IP6K1: variants seen among roughly 807,000 people sequenced by gnomAD.
IP6K1 encodes ATP:1D-myo-inositol-hexakisphosphate phosphotransferase.
IP6K1 carries 13 observed loss-of-function variants against 38.3 expected under a neutral mutation model. The observed-to-expected ratio is 0.34, with a 90% CI of 0.22 to 0.54. The LOEUF is 0.54. Ranked by LOEUF, IP6K1 falls within the 20% of genes least tolerant of loss-of-function variation. IP6K1 has a pLI of 0.92. For synonymous variants in IP6K1, 212 were observed against 229.9 expected (o/e 0.92, Z 0.70); for missense variants, 397 against 599.8 (o/e 0.66, Z 3.53).
chr3:49,739,176 C>G (rs1230429842), intron 2 of IP6K1, among the ~76,000 whole-genome samples: 1 of 152,040 alleles, frequency 6.6e-6, no homozygotes, highest in Non-Finnish European at 1.5e-5. Flanking sequence ...GTCTCACTTC[C>G]ACATCCCACC....
chr3:49,747,962 C>G lies in IP6K1; in HGVS notation c.79G>C (p.Glu27Gln). 1.2e-6 allele frequency: 2 copies of G among 1,614,136 alleles called. No individual in the cohort carries two copies. Among genetic ancestry groups the G allele is most frequent in the Non-Finnish European group, 1.7e-6 (2 of 1,180,026 alleles). ...SRAGDRGVLL[E>Q]PFIHQVGGHS... ...CCGCCTACTTGGTGGATGAAGGGCTCCAGGAGGACTCCCCGGTCTCCAGCC... is the reference window on the plus strand; with the variant it reads ...CCGCCTACTTGGTGGATGAAGGGCTGCAGGAGGACTCCCCGGTCTCCAGCC... Residue 27 changes from glutamate to glutamine, a missense_variant, in exon 2 of 6, where the codon GAG becomes CAG. Physicochemically the swap from Glu to Gln is conservative, Grantham distance 29. This residue lies in a region of IP6K1 where 171 missense variants were observed against 237.0 expected (regional missense o/e 0.72). Coordinates refer to ENST00000321599, the MANE Select transcript of IP6K1 (RefSeq NM_153273.4).
At chr3:49,765,092 G>T (rs947943022) in intron 1 of IP6K1, among the ~76,000 whole-genome samples, 4 of 152,126 alleles carry the variant, frequency 2.6e-5, no homozygotes, top group African/African-American at 9.7e-5. Flanking sequence ...CCAAAAGGCA[G>T]TAGGATAACA....
At chr3:49,769,169 T>C (rs2080935969) in intron 1 of IP6K1, among the ~76,000 whole-genome samples, 1 of 152,174 alleles carries the variant, frequency 6.6e-6, no homozygotes, top group Non-Finnish European at 1.5e-5. Context: ...GAAGGCTCAA[T>C]ATAGTTAAGA....
At chr3:49,745,099 A>G (rs1279257565) in intron 2 of IP6K1, among the ~76,000 whole-genome samples, 1 of 152,192 alleles carries the variant, frequency 6.6e-6, no homozygotes, top group African/African-American at 2.4e-5. Flanking sequence ...AAAGACAAAA[A>G]AAAAAGTCCA....
At chr3:49,734,747 A>G (rs543640357) in intron 3 of IP6K1, among the ~76,000 whole-genome samples, 14 of 152,308 alleles carry the variant, frequency 9.2e-5, no homozygotes, top group Admixed American at 7.8e-4. Context: ...GGAAACAGAA[A>G]GGTTGACTTA....
chr3:49,767,582 AAAT>A (rs71631027), intron 1 of IP6K1, among the ~76,000 whole-genome samples: 3 of 151,312 alleles, frequency 2.0e-5, no homozygotes, highest in Admixed American at 6.6e-5. Flanking sequence ...CCATCTCAAA[AAAT>A]AATAATAATA....
chr3:49,781,355 G>C (rs893899534), intron 1 of IP6K1, among the ~76,000 whole-genome samples: 3 of 152,192 alleles, frequency 2.0e-5, no homozygotes, highest in Non-Finnish European at 4.4e-5. Context: ...GACCCACTGT[G>C]CCGGCCTAAA....
At chr3:49,737,067 T>C (rs2080619340) in intron 3 of IP6K1, among the ~76,000 whole-genome samples, 1 of 145,262 alleles carries the variant, frequency 6.9e-6, no homozygotes, top group Non-Finnish European at 1.5e-5. Flanking sequence ...CCACCAAGCC[T>C]GGCCTTTTTT....
chr3:49,738,427 T>TA lies in IP6K1; in HGVS notation c.224-6dup, dbSNP rs772058229. 62 of 1,611,604 alleles carry TA rather than the reference T, an allele frequency of 3.8e-5. No individual in the cohort carries two copies. The highest frequency in any genetic ancestry group is 1.1e-4 in the African/African-American group (8 of 74,934). On this transcript the variant is annotated splice_polypyrimidine_tract_variant and splice_region_variant and intron_variant, in intron 2 of 5. Coordinates refer to ENST00000321599, the MANE Select transcript of IP6K1 (RefSeq NM_153273.4). Reference sequence around the variant, plus strand: ...CAAAACAGACAGATACCACGCCTGTTAAAAAAAGGGCAGTTGGTAAACAAA... The same window carrying TA: ...CAAAACAGACAGATACCACGCCTGTTAAAAAAAAGGGCAGTTGGTAAACAAA...
intron 1 of IP6K1, among the ~76,000 whole-genome samples, chr3:49,766,303 A>AT (rs2080910872): frequency 2.6e-5 from 4 of 152,028 alleles, no homozygotes; most frequent in Non-Finnish European, 5.9e-5. Context: ...CAAGAGATCA[A>AT]GTCTGCAGTG....
At chr3:49,741,672 C>T (rs1249436285) in intron 2 of IP6K1, among the ~76,000 whole-genome samples, 1 of 152,200 alleles carries the variant, frequency 6.6e-6, no homozygotes, top group Non-Finnish European at 1.5e-5. Context: ...CTTCAGCCAC[C>T]TATCCATCCA....
chr3:49,778,121 C>A (rs948140542), intron 1 of IP6K1, among the ~76,000 whole-genome samples: 2 of 150,010 alleles, frequency 1.3e-5, no homozygotes, highest in East Asian at 3.9e-4. Context: ...GTCAGGAGAT[C>A]GAGACCATCC....
chr3:49,772,224 A>AT (rs1553696788), intron 1 of IP6K1, among the ~76,000 whole-genome samples: 18,087 of 142,610 alleles, frequency 0.13, 1,264 homozygotes, highest in Middle Eastern at 0.16. Flanking sequence ...TAAAAAAAAA[A>AT]ATATATATAT....
At chr3:49,731,095 A>C (rs1402002959) in intron 4 of IP6K1, among the ~76,000 whole-genome samples, 1 of 150,614 alleles carries the variant, frequency 6.6e-6, no homozygotes, top group Non-Finnish European at 1.5e-5. Context: ...ATATATAAAT[A>C]TATTTATATA....
rs143237189 is a variant in IP6K1, at chr3:49,731,302, C to T, written c.616+1489G>A. ...TCACTGGGTTTCACAGCCCAGCCCT[C>T]AAATCCATCTCTGGGTGCTACAGAG... On this transcript the variant is annotated intron_variant, in intron 4 of 5. Coordinates refer to ENST00000321599, the MANE Select transcript of IP6K1 (RefSeq NM_153273.4). Among the ~76,000 whole-genome samples, 733 of 152,278 alleles carry T rather than the reference C, an allele frequency of 4.8e-3. 9 individuals are homozygous for T. The highest frequency in any genetic ancestry group is 0.016 in the African/African-American group (662 of 41,542).
At chr3:49,778,750 C>A (rs2081040547) in intron 1 of IP6K1, among the ~76,000 whole-genome samples, 1 of 152,248 alleles carries the variant, frequency 6.6e-6, no homozygotes, top group South Asian at 2.1e-4. Context: ...CTTAGACTCC[C>A]CAGTAGCTGG....
At chr3:49,732,228 CTATCT>C (rs2080568703) in intron 4 of IP6K1, among the ~76,000 whole-genome samples, 1 of 152,178 alleles carries the variant, frequency 6.6e-6, no homozygotes, top group South Asian at 2.1e-4. Context: ...CCACGCCCAG[CTATCT>C]TTAACATTTT....
intron 1 of IP6K1, among the ~76,000 whole-genome samples, chr3:49,767,587 A>G (rs949293364): frequency 1.2e-5 from 1 of 82,872 alleles, no homozygotes; most frequent in Non-Finnish European, 3.1e-5. Flanking sequence ...TCAAAAAATA[A>G]TAATAATAAT....
Position 49,751,722 on chromosome 3 carries a change from C to T in IP6K1, c.-128-3554G>A, listed in dbSNP as rs183618584. On this transcript the variant is annotated intron_variant, in intron 1 of 5. Coordinates refer to ENST00000321599, the MANE Select transcript of IP6K1 (RefSeq NM_153273.4). ...CTCTCAGCTACAATAGAGACTCTGT[C>T]CTTTGTTTGCTTTGTAATACTTTAG... 2.6e-5 allele frequency among the ~76,000 whole-genome samples: 4 copies of T among 152,266 alleles called. No homozygotes were observed. The East Asian group carries it at 7.7e-4, about 29-fold the overall frequency.
Sources: allele counts gnomAD v4.1 joint callset (sites outside exome capture counted in the v4.1 genomes callset), GRCh38; gene constraint gnomAD v4.1.1; regional missense constraint gnomAD v4.1.1; transcripts MANE v1.5; gene names NCBI Gene and HGNC (gene_info 2026-07-23, HGNC 2026-07-21).